PIK3R1: variants seen among roughly 807,000 people sequenced by gnomAD.
PIK3R1 encodes the protein phosphatidylinositol 3-kinase regulatory subunit alpha.
In PIK3R1, 29 loss-of-function variants were observed where a neutral mutation model predicts 98.0. The ratio of observed to expected loss-of-function variants is 0.30; its 90% CI spans 0.22 to 0.40. The LOEUF (loss-of-function observed/expected upper bound fraction) is 0.40. Among genes scored for constraint, PIK3R1 ranks in the 10% least tolerant of loss-of-function variants. PIK3R1 has a pLI of 1.00. For synonymous variants in PIK3R1, 282 were observed against 311.8 expected, an observed-to-expected ratio of 0.90 and a Z score of 1.01; for missense variants, 596 against 872.7, an observed-to-expected ratio of 0.68 and a Z score of 3.99.
In PIK3R1 at chr5:68,273,933, T is replaced by C. The variant is rs1746468268; in HGVS notation, c.428-6T>C. 1.9e-6 allele frequency: 3 copies of C among 1,612,148 alleles called. No homozygotes were observed. Among genetic ancestry groups the C allele is most frequent in the Non-Finnish European group, 2.5e-6 (3 of 1,178,250 alleles). On this transcript the variant is annotated splice_region_variant and splice_polypyrimidine_tract_variant and intron_variant, in intron 3 of 15. Transcript: ENST00000521381. ...TACATGGTCTGTGGTCTGTTTTGTG[T>C]CCTAGGTCTGGAATGTTCAACTCTA...
rs577560753 is a variant in PIK3R1, at chr5:68,299,435, G to GC, written c.*1834_*1835insC. On this transcript the variant is annotated 3_prime_UTR_variant, in exon 16 of 16. Coordinates refer to ENST00000521381, the MANE Select transcript of PIK3R1 (RefSeq NM_181523.3). ...TAATCATTGTATGTGCTTCACTACG[G>GC]GGGGGAGAAGGAAACGTTAGCATCA... 7.2e-4 allele frequency: 167 copies of GC among 233,070 alleles called. 1 individual carries two copies. The highest frequency in any genetic ancestry group is 3.5e-3 in the African/African-American group (157 of 45,022). 14.4% of individuals were successfully genotyped at this position (233,070 alleles called of 1,614,324 possible). A position where few individuals can be genotyped will look rare whatever the true frequency, so the allele number is the denominator to read the frequency against.
chr5:68,223,894 G>C (rs1003914716), intron 1 of PIK3R1, among the ~76,000 whole-genome samples: 16 of 152,196 alleles, frequency 1.1e-4, no homozygotes, highest in African/African-American at 3.6e-4. Flanking sequence ...GGGCTTGCTT[G>C]ATGGTTCCTG....
intron 2 of PIK3R1, among the ~76,000 whole-genome samples, chr5:68,243,227 G>T (rs1215873861): frequency 6.6e-6 from 1 of 152,052 alleles, no homozygotes; most frequent in Non-Finnish European, 1.5e-5. Context: ...GGTATCAGAA[G>T]AATTGTTAGT....
chr5:68,282,023 G>A (rs533891842), intron 7 of PIK3R1, among the ~76,000 whole-genome samples: 23 of 152,246 alleles, frequency 1.5e-4, no homozygotes, highest in African/African-American at 5.5e-4. Flanking sequence ...CTGAAGATGC[G>A]GGTATTGGGA....
At chr5:68,288,979 G>A (rs990965727) in intron 7 of PIK3R1, among the ~76,000 whole-genome samples, 3 of 152,084 alleles carry the variant, frequency 2.0e-5, no homozygotes, top group African/African-American at 7.2e-5. Flanking sequence ...CAACGTGCTT[G>A]GTTGGAAGTT....
Position 68,262,707 on chromosome 5 carries a change from ATGTAGATG to A in PIK3R1, c.335-10682_335-10675del, listed in dbSNP as rs1453358562. Among the ~76,000 whole-genome samples, 49 of 142,626 alleles carry A rather than the reference ATGTAGATG, an allele frequency of 3.4e-4. 1 individual carries two copies. Among genetic ancestry groups the A allele is most frequent in the African/African-American group, 1.1e-3 (44 of 39,184 alleles). The allele number at this position is 142,626 out of a possible 152,430, so 93.6% of individuals were successfully genotyped here. ...TCTGCATGTATACACATGTAGATGC[ATGTAGATG>A]CATGTATACATATATACATGTAGAT... On this transcript the variant is annotated intron_variant, in intron 2 of 15. Coordinates refer to ENST00000521381, the MANE Select transcript of PIK3R1 (RefSeq NM_181523.3).
At chr5:68,248,887 G>A (rs548170464) in intron 2 of PIK3R1, among the ~76,000 whole-genome samples, 1 of 152,350 alleles carries the variant, frequency 6.6e-6, no homozygotes, top group South Asian at 2.1e-4. Context: ...AGTGGTTGGA[G>A]TGAGGCCATA....
intron 2 of PIK3R1, among the ~76,000 whole-genome samples, chr5:68,237,631 T>G (rs1744712105): frequency 6.6e-6 from 1 of 151,324 alleles, no homozygotes; most frequent in South Asian, 2.1e-4. Context: ...TTTTCTGAGT[T>G]AAAAAGGCCT....
At position 68,293,110 on chromosome 5, in the gene PIK3R1, G is replaced by T. The variant is rs1747485112; in HGVS notation, c.1029G>T (p.Val343=). 6.2e-7 allele frequency: 1 copy of T among 1,611,976 alleles called. No individual in the cohort carries two copies. The highest frequency in any genetic ancestry group is 8.5e-7 in the Non-Finnish European group (1 of 1,178,144). ...TGTGTTTTCATTTCAGGGAAGAAGT[G>T]AATGAAAAACTTCGAGATACAGCAG... ...WYWGDISREE[V]NEKLRDTADG... is the part of the protein sequence containing the mutation. The change falls in exon 9 of 16, where the codon GTG becomes GTT. Residue 343 remains valine (V), a synonymous_variant. Coordinates refer to ENST00000521381, the MANE Select transcript of PIK3R1 (RefSeq NM_181523.3).
At chr5:68,234,313 G>A (rs1744587160) in intron 2 of PIK3R1, among the ~76,000 whole-genome samples, 1 of 152,166 alleles carries the variant, frequency 6.6e-6, no homozygotes, top group Non-Finnish European at 1.5e-5. Context: ...CTCACTAGTA[G>A]TGTTTCCCCA....
chr5:68,262,364 A>C (rs1745790224), intron 2 of PIK3R1, among the ~76,000 whole-genome samples: 1 of 145,238 alleles, frequency 6.9e-6, no homozygotes, highest in African/African-American at 2.6e-5. Context: ...TGAGAACATG[A>C]CCAGGCTTCT....
rs1047603284 is a variant in PIK3R1 at position 68,301,537 on chromosome 5, C to A, written c.*3936C>A. On this transcript the variant is annotated 3_prime_UTR_variant, in exon 16 of 16. Transcript: ENST00000521381. ...TTAAAAAAATCAAAACAAAAAAAAA[C>A]TCATTTATACCTGTGTATTTTTTAA... 6.7e-5 allele frequency: 10 copies of A among 148,818 alleles called. No homozygotes were observed. The highest frequency in any genetic ancestry group is 2.9e-5 in the Non-Finnish European group (2 of 69,266). 9.2% of individuals were successfully genotyped at this position (148,818 alleles called of 1,614,324 possible).
At chr5:68,273,665 A>G (rs1746454581) in intron 3 of PIK3R1, 183 bp downstream of exon 3, 2 of 609,626 alleles carry the variant, frequency 3.3e-6, no homozygotes, top group Admixed American at 2.9e-5. Context: ...TATAATTTCT[A>G]ACTCTAGATT....
At chr5:68,265,751 TA>T (rs766972231) in intron 2 of PIK3R1, among the ~76,000 whole-genome samples, 10 of 151,856 alleles carry the variant, frequency 6.6e-5, no homozygotes, top group African/African-American at 1.9e-4. Context: ...AATGCATCTT[TA>T]AAAAAAATGT....
chr5:68,227,057 T>A, intron 2 of PIK3R1, 48 bp downstream of exon 2: 1 of 1,506,462 alleles, frequency 6.6e-7, no homozygotes, highest in Non-Finnish European at 9.0e-7. Flanking sequence ...CTTTTTCTTT[T>A]TAAGGAAAAG....
chr5:68,232,821 T>C (rs1051634619), intron 2 of PIK3R1, among the ~76,000 whole-genome samples: 2 of 152,352 alleles, frequency 1.3e-5, no homozygotes, highest in African/African-American at 4.8e-5. Context: ...ATGTATATCC[T>C]AAGTAAAGCC....
chr5:68,268,182 A>G (rs1320729051), intron 2 of PIK3R1, among the ~76,000 whole-genome samples: 1 of 152,128 alleles, frequency 6.6e-6, no homozygotes, highest in African/African-American at 2.4e-5. Flanking sequence ...GCCCAAGACT[A>G]CTGAATTCAG....
intron 2 of PIK3R1, among the ~76,000 whole-genome samples, chr5:68,263,229 C>A (rs575767134): frequency 2.3e-5 from 3 of 132,944 alleles, no homozygotes; most frequent in Admixed American, 1.5e-4. Flanking sequence ...ACATATATAT[C>A]TATATATGTA....
chr5:68,277,913 C>T (rs1057294626), intron 4 of PIK3R1, among the ~76,000 whole-genome samples: 13 of 152,168 alleles, frequency 8.5e-5, no homozygotes, highest in African/African-American at 2.9e-4. Context: ...CTGTTACAAA[C>T]GTAGTATCTT....
Sources: allele counts gnomAD v4.1 joint callset (sites outside exome capture counted in the v4.1 genomes callset), GRCh38; gene constraint gnomAD v4.1.1; transcripts MANE v1.5; gene names NCBI Gene and HGNC (gene_info 2026-07-23, HGNC 2026-07-21).